Variants in PAQR5 observed in about 807,000 individuals in gnomAD.
PAQR5 encodes progestin and adipoQ receptor family member 5, also known as membrane progestin receptor gamma.
In PAQR5, 20 loss-of-function variants were observed where a neutral mutation model predicts 34.5. That is an observed-to-expected ratio of 0.58 (90% CI 0.41 to 0.84). The LOEUF (loss-of-function observed/expected upper bound fraction) is 0.84, where lower values mean the gene tolerates loss of function less well. Ranked by LOEUF, PAQR5 falls within the 40% of genes least tolerant of loss-of-function variation. The probability of loss-of-function intolerance (pLI) is 0.00; values close to 1 mark genes in which losing one functional copy is unlikely to be tolerated. For synonymous variants in PAQR5, 131 were observed against 155.6 expected (o/e 0.84, Z 1.18); for missense variants, 378 against 412.7 (o/e 0.92, Z 0.73).
intron 2 of PAQR5, among the ~76,000 whole-genome samples, chr15:69,352,542 G>T (rs2054948097): frequency 6.6e-6 from 1 of 152,222 alleles, no homozygotes; most frequent in Non-Finnish European, 1.5e-5. Flanking sequence ...CATGGGAAAT[G>T]CCCTATGATC....
At chr15:69,399,725 G>GA (rs1335426426) in intron 7 of PAQR5, among the ~76,000 whole-genome samples, 1 of 152,228 alleles carries the variant, frequency 6.6e-6, no homozygotes, top group Non-Finnish European at 1.5e-5. Context: ...TTGGGGGATT[G>GA]AAATACAATA....
At chr15:69,311,216 A>T (rs987201068) in intron 1 of PAQR5, among the ~76,000 whole-genome samples, 4 of 151,850 alleles carry the variant, frequency 2.6e-5, no homozygotes, top group Non-Finnish European at 5.9e-5. Flanking sequence ...AGTAGAAGGG[A>T]GGGAAGACGG....
At chr15:69,310,047 T>TA (rs144444787) in intron 1 of PAQR5, among the ~76,000 whole-genome samples, 14 of 79,224 alleles carry the variant, frequency 1.8e-4, no homozygotes, top group Non-Finnish European at 3.3e-4. Context: ...GACTCCATAT[T>TA]AAAAAAAAAA....
chr15:69,326,716 C>T (rs1203177466), intron 1 of PAQR5, among the ~76,000 whole-genome samples: 6 of 152,220 alleles, frequency 3.9e-5, no homozygotes, highest in Non-Finnish European at 8.8e-5. Context: ...GGATTACAGG[C>T]GTGAGCCACC....
intron 2 of PAQR5, among the ~76,000 whole-genome samples, chr15:69,359,065 C>T (rs1222020959): frequency 6.6e-6 from 1 of 152,152 alleles, no homozygotes; most frequent in Non-Finnish European, 1.5e-5. Flanking sequence ...GCAGATTCCC[C>T]GTCTGGTGAG....
At chr15:69,318,943 G>A (rs2054017437) in intron 1 of PAQR5, among the ~76,000 whole-genome samples, 1 of 151,472 alleles carries the variant, frequency 6.6e-6, no homozygotes, top group Admixed American at 6.6e-5. Flanking sequence ...AGACCAGCCT[G>A]GCCAACATGG....
chr15:69,374,909 G>A (rs147702681), intron 3 of PAQR5, among the ~76,000 whole-genome samples: 5 of 152,222 alleles, frequency 3.3e-5, no homozygotes, highest in Admixed American at 1.3e-4. Flanking sequence ...GTGGGAGTCC[G>A]GCTTTGAAGC....
At chr15:69,307,650 T>TA (rs1487099743) in intron 1 of PAQR5, among the ~76,000 whole-genome samples, 1 of 152,024 alleles carries the variant, frequency 6.6e-6, no homozygotes, top group African/African-American at 2.4e-5. Context: ...CAGTGAGAAG[T>TA]GTCGAAGGAG....
chr15:69,355,162 C>T (rs1053582280), intron 2 of PAQR5, among the ~76,000 whole-genome samples: 1 of 151,334 alleles, frequency 6.6e-6, no homozygotes. Flanking sequence ...TCCCCTGTCA[C>T]CCATCTCTCT....
chr15:69,391,535 A>G, intron 6 of PAQR5: 1 of 396,562 alleles, frequency 2.5e-6, no homozygotes, highest in South Asian at 1.8e-5. Context: ...CAAGTCCAGC[A>G]GAGATGAAGC....
In PAQR5 at chr15:69,360,071, C is replaced by G. The variant is rs1231987918; in HGVS notation, c.-10C>G. 3.7e-6 allele frequency: 6 copies of G among 1,612,962 alleles called. No individual in the cohort carries two copies. Among genetic ancestry groups the G allele is most frequent in the Non-Finnish European group, 5.1e-6 (6 of 1,179,156 alleles). On this transcript the variant is annotated 5_prime_UTR_variant, in exon 3 of 9. Transcript: ENST00000395407. ...CTGTCACCTACTGGCCTTGCCAATC[C>G]AGCTCCAAGATGCTGAGCCTGAAGC...
At chr15:69,382,143 C>T (rs529692846) in intron 4 of PAQR5, among the ~76,000 whole-genome samples, 71 of 152,218 alleles carry the variant, frequency 4.7e-4, no homozygotes, top group African/African-American at 1.6e-3. Flanking sequence ...GTTCTCTTGG[C>T]CTCGGCTTGC....
chr15:69,333,109 T>C (rs1015795500), intron 1 of PAQR5, among the ~76,000 whole-genome samples: 2 of 152,152 alleles, frequency 1.3e-5, no homozygotes, highest in East Asian at 3.9e-4. Context: ...TTCTTCTCAG[T>C]TGACTGAATT....
At chr15:69,395,781 G>A (rs904402806) in intron 6 of PAQR5, among the ~76,000 whole-genome samples, 3 of 151,928 alleles carry the variant, frequency 2.0e-5, no homozygotes, top group South Asian at 2.1e-4. Flanking sequence ...GTTCTTTTTC[G>A]GGGGGGATGA....
At chr15:69,336,713 A>G (rs769851148) in intron 1 of PAQR5, among the ~76,000 whole-genome samples, 10 of 152,212 alleles carry the variant, frequency 6.6e-5, no homozygotes, top group Non-Finnish European at 8.8e-5. Context: ...TGACTTTAGA[A>G]TAGACAGAAA....
chr15:69,345,662 A>C (rs772628741), intron 2 of PAQR5, among the ~76,000 whole-genome samples: 1 of 152,228 alleles, frequency 6.6e-6, no homozygotes, highest in African/African-American at 2.4e-5. Context: ...TGGAGAGTGC[A>C]TTAAACACAC....
chr15:69,312,278 T>G (rs2053849874), intron 1 of PAQR5, among the ~76,000 whole-genome samples: 1 of 152,128 alleles, frequency 6.6e-6, no homozygotes, highest in Admixed American at 6.5e-5. Context: ...AACAGGATTT[T>G]TCTTTCCAAG....
chr15:69,339,168 A>ACCCCCCCCCCCCCCCCCCCCCC (rs111647955), intron 2 of PAQR5, among the ~76,000 whole-genome samples: 5 of 134,062 alleles, frequency 3.7e-5, no homozygotes, highest in African/African-American at 7.9e-5. Context: ...CCCACTGGCT[A>ACCCCCCCCCCCCCCCCCCCCCC]CACCCCCCAC....
At chr15:69,370,583 G>A (rs1397630313) in intron 3 of PAQR5, among the ~76,000 whole-genome samples, 2 of 152,080 alleles carry the variant, frequency 1.3e-5, no homozygotes, top group Admixed American at 1.3e-4. Flanking sequence ...GGAATGGCGC[G>A]ATCTTGGCTC....
Sources: allele counts gnomAD v4.1 joint callset (sites outside exome capture counted in the v4.1 genomes callset), GRCh38; gene constraint gnomAD v4.1.1; transcripts MANE v1.5; gene names NCBI Gene and HGNC (gene_info 2026-07-23, HGNC 2026-07-21).